Variants in CHD4 observed in about 807,000 individuals in gnomAD.
The protein encoded by CHD4 is chromodomain helicase DNA binding protein 4, also known as ATP-dependent chromatin remodeler CHD4.
A neutral mutation model predicts 235.5 loss-of-function variants in CHD4; 35 were observed. The ratio of observed to expected loss-of-function variants is 0.15; its 90% confidence interval spans 0.11 to 0.20. The LOEUF is 0.20. Among genes scored for constraint, CHD4 ranks in the 10% least tolerant of loss-of-function variants. The pLI is 1.00. For synonymous variants in CHD4, 900 were observed against 850.2 expected (o/e 1.06, Z -1.02); for missense variants, 1,329 against 2,432.3 (o/e 0.55, Z 9.54).
Position 6,575,285 on chromosome 12 carries a change from T to C in CHD4, c.5362-2016A>G, listed in dbSNP as rs559858124. On this transcript the variant is annotated intron_variant, in intron 37 of 39. Coordinates refer to ENST00000544040, the MANE Select transcript of CHD4 (RefSeq NM_001273.5). Reference sequence around the variant, plus strand: ...CAATATGGCAAAACCCCATCTCTACTAAAAATACAAAAATTAGTCAGGCAT... The same window carrying C: ...CAATATGGCAAAACCCCATCTCTACCAAAAATACAAAAATTAGTCAGGCAT... 2.0e-5 allele frequency among the ~76,000 whole-genome samples: 3 copies of C among 151,888 alleles called. No homozygotes were observed. In the South Asian group the frequency reaches 6.2e-4, roughly 32 times the overall value.
intron 38 of CHD4, among the ~76,000 whole-genome samples, chr12:6,572,564 C>CT (rs930741658): frequency 6.6e-6 from 1 of 151,854 alleles, no homozygotes; most frequent in African/African-American, 2.4e-5. Flanking sequence ...GAGCCCATCT[C>CT]TTTTTTTTCT....
In CHD4 at chr12:6,601,769, G is replaced by A. The variant is rs553200924; in HGVS notation, c.439-3C>T. On this transcript the variant is annotated splice_polypyrimidine_tract_variant and splice_region_variant and intron_variant, in intron 4 of 39. Coordinates refer to ENST00000544040, the MANE Select transcript of CHD4 (RefSeq NM_001273.5). Reference sequence around the variant, plus strand: ...AGCTGAGCAGATGATTTAGGCTCCTGCAGAAAGAGCAAAGTCAAGTAAGTA... The same window carrying A: ...AGCTGAGCAGATGATTTAGGCTCCTACAGAAAGAGCAAAGTCAAGTAAGTA... 8.7e-6 allele frequency: 14 copies of A among 1,612,794 alleles called. No individual in the cohort carries two copies. The highest frequency in any genetic ancestry group is 3.3e-4 in the Middle Eastern group (2 of 6,062).
At chr12:6,606,031 G>A (rs1027650193) in intron 2 of CHD4, among the ~76,000 whole-genome samples, 1 of 152,236 alleles carries the variant, frequency 6.6e-6, no homozygotes, top group South Asian at 2.1e-4. Context: ...CCCTCAACTG[G>A]GAACTGCAGA....
Position 6,593,304 on chromosome 12 carries a change from TTCC to T in CHD4, c.2515-79_2515-77del. 6.2e-7 allele frequency: 1 copy of T among 1,605,470 alleles called. No homozygotes were observed. Among genetic ancestry groups the T allele is most frequent in the Non-Finnish European group, 8.5e-7 (1 of 1,173,282 alleles). Reference sequence around the variant, plus strand: ...ACAACCAGGAGACTGATGGAATGTTTTCCTCCTCCCAGGGTTACCCTTTTGCCT... The same window carrying T: ...ACAACCAGGAGACTGATGGAATGTTTTCCTCCCAGGGTTACCCTTTTGCCT... On this transcript the variant is annotated intron_variant, in intron 16 of 39. Transcript: ENST00000544040. This position sits in a 1 kb window ranked among gnomAD's most constrained non-coding sequence, Gnocchi z 4.9.
rs1340764393 is a variant in CHD4 at position 6,578,549 on chromosome 12, A to G, written c.4982-3T>C. ...CTCTTCTTCTTCTTTCTTCTCTTCT[A>G]CAGAATATGGGGAAGAAAAATGTCA... On this transcript the variant is annotated splice_polypyrimidine_tract_variant and splice_region_variant and intron_variant, in intron 34 of 39. Transcript: ENST00000544040. 6.2e-7 allele frequency: 1 copy of G among 1,610,204 alleles called. No homozygotes were observed.
At chr12:6,599,635 C>T in intron 10 of CHD4, 138 bp downstream of exon 10, 1 of 1,062,360 alleles carries the variant, frequency 9.4e-7, no homozygotes, top group Non-Finnish European at 1.4e-6. Context: ...AGTATCCCAA[C>T]ACTATAGGAT....
chr12:6,599,681 T>C (rs1948556992), intron 10 of CHD4, 92 bp downstream of exon 10: 4 of 1,509,610 alleles, frequency 2.6e-6, no homozygotes, highest in East Asian at 4.5e-5. Flanking sequence ...GAAAAGCTCA[T>C]AGTTCCTCTC....
chr12:6,578,742 A>T, intron 34 of CHD4, 104 bp downstream of exon 34: 5 of 1,380,342 alleles, frequency 3.6e-6, no homozygotes, highest in Non-Finnish European at 4.1e-6. Context: ...TTATCTTGGG[A>T]TAAAATGGCT....
intron 1 of CHD4, 64 bp from the exon 2 acceptor site, chr12:6,606,515 A>G: frequency 1.9e-6 from 1 of 515,814 alleles, no homozygotes; most frequent in Non-Finnish European, 3.4e-6. Flanking sequence ...CCTCCCCCAC[A>G]CCCACCCGCT....
At chr12:6,599,635 C>G (rs756129685) in intron 10 of CHD4, 138 bp downstream of exon 10, 4 of 1,062,360 alleles carry the variant, frequency 3.8e-6, no homozygotes, top group Non-Finnish European at 5.4e-6. Context: ...AGTATCCCAA[C>G]ACTATAGGAT....
rs1253900526 is a variant in CHD4 at position 6,598,131 on chromosome 12, G to A, written c.1687-32C>T. 3 of 1,613,566 alleles carry A rather than the reference G, an allele frequency of 1.9e-6. No homozygotes were observed. The East Asian group carries it at 6.7e-5, about 36-fold the overall frequency. On this transcript the variant is annotated intron_variant, in intron 11 of 39. Coordinates refer to ENST00000544040, the MANE Select transcript of CHD4 (RefSeq NM_001273.5). The stretch of plus-strand genomic sequence containing the variant: ...GCGGAAAGAGAAAATCAGCCACCAA[G>A]AAGCTGTGTTCATTCCTTCTATCCA...
Position 6,591,682 on chromosome 12 carries a change from T to C in CHD4, c.3222+12A>G, listed in dbSNP as rs778507180. 2 of 1,614,020 alleles carry C rather than the reference T, an allele frequency of 1.2e-6. No individual in the cohort carries two copies. The highest frequency in any genetic ancestry group is 1.3e-5 in the African/African-American group (1 of 74,898). On this transcript the variant is annotated intron_variant, in intron 21 of 39. Coordinates refer to ENST00000544040, the MANE Select transcript of CHD4 (RefSeq NM_001273.5). ...TATGACTGTTCCCTAAAGCTCCCAGTCCACATGATACCTGGGAAAAGATGA... is the reference window on the plus strand; with the variant it reads ...TATGACTGTTCCCTAAAGCTCCCAGCCCACATGATACCTGGGAAAAGATGA...
chr12:6,597,242 C>CT (rs1380269943), intron 12 of CHD4, among the ~76,000 whole-genome samples: 1 of 151,576 alleles, frequency 6.6e-6, no homozygotes, highest in Non-Finnish European at 1.5e-5. Flanking sequence ...CGCCACTGCA[C>CT]TCCAGCCTGG....
At chr12:6,573,012 C>T (rs1350054043) in intron 38 of CHD4, 62 bp downstream of exon 38, 2 of 1,483,386 alleles carry the variant, frequency 1.3e-6, no homozygotes, top group African/African-American at 1.4e-5. Flanking sequence ...AATATATGTA[C>T]ATTAGGATGC....
At chr12:6,598,794 G>C (rs548110779) in intron 10 of CHD4, among the ~76,000 whole-genome samples, 1 of 152,260 alleles carries the variant, frequency 6.6e-6, no homozygotes, top group Non-Finnish European at 1.5e-5. Flanking sequence ...GGGGGACAGA[G>C]CAAGACTCCA....
Position 6,587,857 on chromosome 12 carries a change from C to A in CHD4, c.3558G>T (p.Gln1186His). 1 of 1,614,232 alleles carries A rather than the reference C, an allele frequency of 6.2e-7. No individual in the cohort carries two copies. The highest frequency in any genetic ancestry group is 8.5e-7 in the Non-Finnish European group (1 of 1,180,040). ...TCAGCATCATTTTCTTCTTTGCCAC[C>A]TGCGTGATGCGCTCCTCCACTGACG... ...TRASVEERIT[Q>H]VAKKKMMLTH... The change falls in exon 24 of 40, where the codon CAG (glutamine) becomes CAT (histidine). Residue 1186 changes from glutamine to histidine, a missense_variant. By Grantham distance (24) the Gln-to-His change is conservative. Coordinates refer to ENST00000544040, the MANE Select transcript of CHD4 (RefSeq NM_001273.5).
intron 2 of CHD4, among the ~76,000 whole-genome samples, chr12:6,603,616 G>C (rs1948636945): frequency 6.6e-6 from 1 of 152,028 alleles, no homozygotes; most frequent in South Asian, 2.1e-4. Context: ...CCTGGCCCCA[G>C]GTCCAAATGC....
At chr12:6,600,097 C>T in intron 9 of CHD4, 85 bp from the exon 10 acceptor site, 14 of 1,572,876 alleles carry the variant, frequency 8.9e-6, no homozygotes, top group Non-Finnish European at 1.2e-5. Context: ...CCTTTGAATG[C>T]TTCCCAAAGC....
chr12:6,600,250 C>T lies in CHD4; in HGVS notation c.1209G>A (p.Lys403=), dbSNP rs149884399. The change falls in exon 9 of 40, where the codon AAG becomes AAA. Residue 403 remains lysine, a synonymous_variant. Transcript: ENST00000544040. Reference sequence around the variant, plus strand: ...GGCAGCTCCACTTGCCCTCGGGAGCCTTCTCCATGTCGGGATCCAGGCAGA... The same window carrying T: ...GGCAGCTCCACTTGCCCTCGGGAGCTTTCTCCATGTCGGGATCCAGGCAGA... ...HMVCLDPDME[K]APEGKWSCPH... 1.3e-4 allele frequency: 202 copies of T among 1,614,186 alleles called. No individual in the cohort carries two copies. The African/African-American group carries it at 2.6e-3, about 21-fold the overall frequency.
Sources: allele counts gnomAD v4.1 joint callset (sites outside exome capture counted in the v4.1 genomes callset), GRCh38; gene constraint gnomAD v4.1.1; non-coding constraint Gnocchi (gnomAD v3.1); transcripts MANE v1.5; gene names NCBI Gene and HGNC (gene_info 2026-07-23, HGNC 2026-07-21).